MTTP: variants seen among roughly 807,000 people sequenced by gnomAD.
MTTP encodes microsomal triglyceride transfer protein large subunit.
MTTP carries 49 observed loss-of-function variants against 90.6 expected under a neutral mutation model. That is an observed-to-expected ratio of 0.54 (90% CI 0.43 to 0.69). The LOEUF is 0.69. Among genes scored for constraint, MTTP ranks in the 30% least tolerant of loss-of-function variants. MTTP has a pLI of 0.00. For synonymous variants in MTTP, 347 were observed against 384.2 expected, an observed-to-expected ratio of 0.90 and a Z score of 1.13; for missense variants, 945 against 1,067.5, an observed-to-expected ratio of 0.89 and a Z score of 1.60.
chr4:99,578,864 CT>C (rs1332663520), intron 1 of MTTP, among the ~76,000 whole-genome samples: 3 of 152,166 alleles, frequency 2.0e-5, no homozygotes, highest in African/African-American at 7.2e-5. Flanking sequence ...CAGAATTGCT[CT>C]GAGGATTAGA....
At chr4:99,566,541 T>C (rs1449095960) in intron 1 of MTTP, among the ~76,000 whole-genome samples, 1 of 152,096 alleles carries the variant, frequency 6.6e-6, no homozygotes, top group African/African-American at 2.4e-5. Flanking sequence ...AAGGAAAGTA[T>C]CACAAACCTG....
chr4:99,592,728 CCTT>C (rs1725461592), intron 6 of MTTP, among the ~76,000 whole-genome samples: 1 of 152,084 alleles, frequency 6.6e-6, no homozygotes, highest in Non-Finnish European at 1.5e-5. Flanking sequence ...GATAACAATG[CCTT>C]CTTCTGGAAT....
intron 9 of MTTP, among the ~76,000 whole-genome samples, chr4:99,601,104 G>T (rs1725685200): frequency 6.6e-6 from 1 of 152,066 alleles, no homozygotes; most frequent in Middle Eastern, 3.2e-3. Context: ...CACCTACATT[G>T]AAGAGATACA....
intron 10 of MTTP, among the ~76,000 whole-genome samples, chr4:99,606,475 T>C (rs1725818958): frequency 6.6e-6 from 1 of 152,230 alleles, no homozygotes; most frequent in Admixed American, 6.5e-5. Flanking sequence ...AGTGGCCTTA[T>C]ATATTCAAAA....
At chr4:99,599,797 A>G (rs1725651242) in intron 8 of MTTP, among the ~76,000 whole-genome samples, 2 of 152,182 alleles carry the variant, frequency 1.3e-5, no homozygotes, top group South Asian at 4.1e-4. Flanking sequence ...TCAAAATAGT[A>G]CAAGTATATC....
chr4:99,609,452 A>C (rs1265032477), intron 12 of MTTP, among the ~76,000 whole-genome samples: 2 of 152,178 alleles, frequency 1.3e-5, no homozygotes, highest in Non-Finnish European at 2.9e-5. Context: ...TAAAGAGTGC[A>C]ATCAGTAGAG....
intron 8 of MTTP, among the ~76,000 whole-genome samples, chr4:99,598,653 CTTTTTTTTTTTTT>C (rs745529189): frequency 2.4e-5 from 2 of 82,536 alleles, no homozygotes; most frequent in Non-Finnish European, 4.6e-5. Flanking sequence ...TCAAGGAAGT[CTTTTTTTTTTTTT>C]TTTTTTTTTT....
In MTTP at chr4:99,589,004, T is replaced by C. The variant is rs867171726; in HGVS notation, c.394-639T>C. Among the ~76,000 whole-genome samples, 16 of 57,256 alleles carry C rather than the reference T, an allele frequency of 2.8e-4. 1 individual carries two copies. Among genetic ancestry groups the C allele is most frequent in the Middle Eastern group, 7.9e-3 (1 of 126 alleles). The allele number at this position is 57,256 out of a possible 152,430, so 37.6% of individuals were successfully genotyped here. A position where few individuals can be genotyped will look rare whatever the true frequency, so the allele number is the denominator to read the frequency against. ...ACACATATATATATGTTCATATATA[T>C]ACACACATATATATGTTCATATATA... On this transcript the variant is annotated intron_variant, in intron 3 of 17. Coordinates refer to ENST00000265517, the MANE Select transcript of MTTP (RefSeq NM_001386140.1).
chr4:99,591,734 AAC>A lies in MTTP; in HGVS notation c.708_709del (p.His236GlnfsTer11), dbSNP rs1553926818. On this transcript the variant is annotated frameshift_variant, in exon 6 of 18. Transcript: ENST00000265517. LOFTEE classifies it high-confidence loss of function. Reference protein sequence around the residue: ...SFVIAVLAEETHNFGLNFLQT... With the variant: ...SFVIAVLAEEXHNFGLNFLQT... Reference sequence around the variant, plus strand: ...TTGTTATAGCTGTGCTTGCTGAAGAAACACACAATTTTGGACTGAATTTCCTA... The same window carrying A: ...TTGTTATAGCTGTGCTTGCTGAAGAAACACAATTTTGGACTGAATTTCCTA... The A allele has an allele frequency of 6.2e-7, 1 of 1,613,456 alleles. No homozygotes were observed. Among genetic ancestry groups the A allele is most frequent in the Non-Finnish European group, 8.5e-7 (1 of 1,179,552 alleles).
chr4:99,595,281 T>C (rs1162670862), intron 7 of MTTP, among the ~76,000 whole-genome samples: 4 of 152,204 alleles, frequency 2.6e-5, no homozygotes, highest in African/African-American at 9.7e-5. Context: ...AGTGTTCTGA[T>C]TATTGCTGCA....
intron 1 of MTTP, among the ~76,000 whole-genome samples, chr4:99,564,613 A>G (rs1435313424): frequency 6.6e-6 from 1 of 152,176 alleles, no homozygotes. Flanking sequence ...CTTTTGCTAT[A>G]TATAGATCAT....
At chr4:99,584,963 G>A (rs539746698) in intron 3 of MTTP, among the ~76,000 whole-genome samples, 4 of 152,132 alleles carry the variant, frequency 2.6e-5, no homozygotes, top group African/African-American at 9.6e-5. Flanking sequence ...CTGTCAAAGC[G>A]TTTATCACAG....
intron 10 of MTTP, 133 bp from the exon 11 acceptor site, chr4:99,606,615 C>T (rs1287223037): frequency 2.4e-6 from 2 of 831,504 alleles, no homozygotes; most frequent in Non-Finnish European, 4.1e-6. Flanking sequence ...CCACTGTGTG[C>T]CTCAGTCAAG....
At chr4:99,601,235 T>C (rs1164610346) in intron 9 of MTTP, among the ~76,000 whole-genome samples, 1 of 152,094 alleles carries the variant, frequency 6.6e-6, no homozygotes, top group Non-Finnish European at 1.5e-5. Flanking sequence ...TCATAATCTT[T>C]ATGGAAAATG....
chr4:99,616,801 C>T (rs1382846143), intron 15 of MTTP, among the ~76,000 whole-genome samples: 1 of 152,194 alleles, frequency 6.6e-6, no homozygotes. Flanking sequence ...AGGCACTCCT[C>T]ATAACCCACC....
chr4:99,579,648 T>A (rs1725050343), intron 1 of MTTP, among the ~76,000 whole-genome samples: 1 of 152,226 alleles, frequency 6.6e-6, no homozygotes, highest in African/African-American at 2.4e-5. Flanking sequence ...CTCATTTTTT[T>A]ATTGCCCTTC....
rs1726165750 is a variant in MTTP, at chr4:99,619,006, T to C, written c.2250T>C (p.Asn750=). The C allele has an allele frequency of 6.2e-7, 1 of 1,613,424 alleles. No homozygotes were observed. The highest frequency in any genetic ancestry group is 8.5e-7 in the Non-Finnish European group (1 of 1,179,436). ...AGTTACAATCTGGACTAAAAGCCAA[T>C]ATAGAGGTCCAGGGTGGTCTAGCTA... ...ELQLQSGLKA[N]IEVQGGLAID... is the part of the protein sequence containing the mutation. Residue 750 remains asparagine (N), a synonymous_variant, in exon 16 of 18, where the codon AAT becomes AAC. Coordinates refer to ENST00000265517, the MANE Select transcript of MTTP (RefSeq NM_001386140.1).
intron 11 of MTTP, 111 bp from the exon 12 acceptor site, chr4:99,608,655 A>G (rs1451697564): frequency 8.0e-6 from 7 of 871,170 alleles, no homozygotes; most frequent in Non-Finnish European, 1.3e-5. Flanking sequence ...AATCTGGGAA[A>G]TGTAGTAACA....
rs560027689 is a variant in MTTP, at chr4:99,611,913, C to T, written c.1989+460C>T. Among the ~76,000 whole-genome samples the T allele has an allele frequency of 8.5e-5, 13 of 152,222 alleles. No individual in the cohort carries two copies. The South Asian group carries it at 1.9e-3, about 22-fold the overall frequency. On this transcript the variant is annotated intron_variant, in intron 14 of 17. Coordinates refer to ENST00000265517, the MANE Select transcript of MTTP (RefSeq NM_001386140.1). ...AAACCCTTCATAATAGAATATGATGCTCTAAAGAGTCAATCTGTATTTCTC... is the reference window on the plus strand; with the variant it reads ...AAACCCTTCATAATAGAATATGATGTTCTAAAGAGTCAATCTGTATTTCTC...
Sources: allele counts gnomAD v4.1 joint callset (sites outside exome capture counted in the v4.1 genomes callset), GRCh38; gene constraint gnomAD v4.1.1; transcripts MANE v1.5; gene names NCBI Gene and HGNC (gene_info 2026-07-23, HGNC 2026-07-21).